The following SLC6A7 variants were observed in gnomAD, a reference collection of about 807,000 sequenced individuals.
SLC6A7 encodes sodium-dependent proline transporter.
Under a neutral mutation model 73.1 loss-of-function variants are expected in SLC6A7, and 58 were observed. The observed-to-expected ratio is 0.79, with a 90% confidence interval of 0.64 to 0.99. SLC6A7 has a LOEUF of 0.99. SLC6A7 is among the 50% of genes least tolerant of loss of function. The pLI, the probability that SLC6A7 is intolerant of heterozygous loss-of-function variation, is 0.00. For missense variants in SLC6A7, 783 were observed against 831.4 expected, an observed-to-expected ratio of 0.94 and a Z score of 0.72; for synonymous variants, 338 against 338.7, an observed-to-expected ratio of 1.00 and a Z score of 0.02.
At position 150,204,542 on chromosome 5, in the gene SLC6A7, A is replaced by G. The variant is rs767588242; in HGVS notation, c.1343A>G (p.Tyr448Cys). The G allele has an allele frequency of 1.9e-6, 3 of 1,613,588 alleles. No homozygotes were observed. The highest frequency in any genetic ancestry group is 2.5e-6 in the Non-Finnish European group (3 of 1,179,462). The change falls in exon 11 of 14, where the codon TAC (tyrosine) becomes TGC (cysteine). Residue 448 changes from tyrosine (Y) to cysteine (C), a missense_variant. Tyr to Cys is a radical substitution (Grantham distance 194). Transcript: ENST00000230671. ...GLILTTDGGM[Y>C]WLVLLDDYSA... is the part of the protein sequence containing the mutation. Reference sequence around the variant, plus strand: ...GTGCTTGTGTTTTAGGGGGGCATGTACTGGCTGGTCCTTCTGGATGACTAC... The same window carrying G: ...GTGCTTGTGTTTTAGGGGGGCATGTGCTGGCTGGTCCTTCTGGATGACTAC...
At chr5:150,209,297 G>A in intron 13 of SLC6A7, 109 bp from the exon 14 acceptor site, 1 of 905,648 alleles carries the variant, frequency 1.1e-6, no homozygotes, top group Non-Finnish European at 1.8e-6. Context: ...GCTGTGGCCA[G>A]GACTCCCCCA....
At chr5:150,194,114 C>T (rs955657883) in intron 1 of SLC6A7, among the ~76,000 whole-genome samples, 4 of 152,134 alleles carry the variant, frequency 2.6e-5, no homozygotes, top group African/African-American at 2.4e-5. Context: ...TCTTCATCTT[C>T]GTCATCCTCA....
intron 10 of SLC6A7, among the ~76,000 whole-genome samples, 183 bp from the exon 11 acceptor site, chr5:150,204,349 T>C (rs942564680): frequency 4.6e-5 from 7 of 152,214 alleles, no homozygotes; most frequent in African/African-American, 7.2e-5. Context: ...GGTTCTATAA[T>C]AGACGGCTGT....
chr5:150,196,812 C>T lies in SLC6A7; in HGVS notation c.314C>T (p.Pro105Leu). ...LSLGQFSSLG[P>L]LAVWKISPLF... ...CTGGGCCAGTTCTCCAGCCTAGGGC[C>T]CCTGGCTGTCTGGAAAATCAGCCCT... The change falls in exon 3 of 14, where the codon CCC becomes CTC. Residue 105 changes from proline to leucine, a missense_variant. Coordinates refer to ENST00000230671, the MANE Select transcript of SLC6A7 (RefSeq NM_014228.5). 6.2e-7 allele frequency: 1 copy of T among 1,614,042 alleles called. No individual in the cohort carries two copies. The highest frequency in any genetic ancestry group is 8.5e-7 in the Non-Finnish European group (1 of 1,179,930).
rs1359286039 is a variant in SLC6A7 at position 150,197,124 on chromosome 5, C to A, written c.432C>A (p.Leu144=). Residue 144 remains leucine (L), a synonymous_variant, in exon 4 of 14, where the codon CTC becomes CTA. Coordinates refer to ENST00000230671, the MANE Select transcript of SLC6A7 (RefSeq NM_014228.5). ...TCATCGCCTACGTGCTCTTCTACCT[C>A]TTCGCCTCCCTCACCAGCGACCTAC... is the stretch of plus-strand genomic sequence containing the variant. The part of the protein sequence containing the change: ...NMIIAYVLFY[L]FASLTSDLPW... 1 of 1,614,160 alleles carries A rather than the reference C, an allele frequency of 6.2e-7. No homozygotes were observed. Among genetic ancestry groups the A allele is most frequent in the East Asian group, 2.2e-5 (1 of 44,892 alleles).
chr5:150,207,792 T>A lies in SLC6A7; in HGVS notation c.1702-1614T>A, dbSNP rs147622012. 4.5e-3 allele frequency among the ~76,000 whole-genome samples: 681 copies of A among 152,266 alleles called. 5 individuals are homozygous for A. Among genetic ancestry groups the A allele is most frequent in the South Asian group, 0.03 (146 of 4,812 alleles). ...ACTAATACCCCTCTCATTAGGACACTGTAAAGATTAAATTAGCCAATGCTT... is the reference window on the plus strand; with the variant it reads ...ACTAATACCCCTCTCATTAGGACACAGTAAAGATTAAATTAGCCAATGCTT... On this transcript the variant is annotated intron_variant, in intron 13 of 13. Transcript: ENST00000230671.
chr5:150,202,792 G>C, intron 8 of SLC6A7, 89 bp downstream of exon 8: 1 of 1,461,124 alleles, frequency 6.8e-7, no homozygotes, highest in Middle Eastern at 2.2e-4. Flanking sequence ...TTATGGATGG[G>C]GGCCAGGCGC....
At chr5:150,197,617 A>ATGC (rs1753103129) in intron 4 of SLC6A7, among the ~76,000 whole-genome samples, 1 of 151,906 alleles carries the variant, frequency 6.6e-6, no homozygotes, top group South Asian at 2.1e-4. Flanking sequence ...GAGAATGATG[A>ATGC]TGATGATGAT....
chr5:150,207,893 G>A lies in SLC6A7; in HGVS notation c.1702-1513G>A, dbSNP rs142163925. 1.4e-3 allele frequency among the ~76,000 whole-genome samples: 211 copies of A among 152,044 alleles called. 7 individuals carry two copies. The South Asian group carries it at 0.032, about 23-fold the overall frequency. On this transcript the variant is annotated intron_variant, in intron 13 of 13. Transcript: ENST00000230671. ...ACAGGGGGTGATTTTGCCCTTGGGG[G>A]ACATTTGGCAATGTCTGGAGACATT...
rs759601852 is a variant in SLC6A7 at position 150,204,533 on chromosome 5, G to C, written c.1334G>C (p.Gly445Ala). Residue 445 changes from glycine (G) to alanine (A), a missense_variant and splice_region_variant, in exon 11 of 14, where the codon GGG becomes GCG. Physicochemically the swap from Gly to Ala is moderately conservative, Grantham distance 60. Transcript: ENST00000230671. ...ACCAGAACTGTGCTTGTGTTTTAGG[G>C]GGGCATGTACTGGCTGGTCCTTCTG... Reference protein sequence around the residue: ...YLMGLILTTDGGMYWLVLLDD... With the variant: ...YLMGLILTTDAGMYWLVLLDD... 6.8e-6 allele frequency: 11 copies of C among 1,612,582 alleles called. No individual in the cohort carries two copies. The highest frequency in any genetic ancestry group is 9.3e-6 in the Non-Finnish European group (11 of 1,178,670).
In SLC6A7 at chr5:150,193,320, G is replaced by A. The variant is rs1752867896; in HGVS notation, c.34-1408G>A. Among the ~76,000 whole-genome samples, 4 of 152,220 alleles carry A rather than the reference G, an allele frequency of 2.6e-5. No individual in the cohort carries two copies. In the South Asian group the frequency reaches 8.3e-4, roughly 32 times the overall value. On this transcript the variant is annotated intron_variant, in intron 1 of 13. Coordinates refer to ENST00000230671, the MANE Select transcript of SLC6A7 (RefSeq NM_014228.5). Reference sequence around the variant, plus strand: ...AGCATGAAAGGAGACCTTAGGAACAGCTGGCCTCCGCTCCCCTCTGGGCAT... The same window carrying A: ...AGCATGAAAGGAGACCTTAGGAACAACTGGCCTCCGCTCCCCTCTGGGCAT...
At chr5:150,194,604 G>A (rs1199930090) in intron 1 of SLC6A7, 124 bp from the exon 2 acceptor site, 1 of 744,058 alleles carries the variant, frequency 1.3e-6, no homozygotes, top group Non-Finnish European at 2.3e-6. Flanking sequence ...GAGAGCACTT[G>A]ATTATCTGGA....
At chr5:150,207,218 A>G (rs1407815032) in intron 13 of SLC6A7, among the ~76,000 whole-genome samples, 1 of 151,798 alleles carries the variant, frequency 6.6e-6, no homozygotes, top group Non-Finnish European at 1.5e-5. Context: ...TGCAGTGGAG[A>G]CAGTAAGCAT....
At chr5:150,197,919 T>C (rs1237393100) in intron 4 of SLC6A7, among the ~76,000 whole-genome samples, 1 of 152,102 alleles carries the variant, frequency 6.6e-6, no homozygotes, top group Non-Finnish European at 1.5e-5. Context: ...ATCACGGTGC[T>C]GGGCACACAG....
rs564930569 is a variant in SLC6A7, at chr5:150,191,814, T to C, written c.33+1454T>C. On this transcript the variant is annotated intron_variant, in intron 1 of 13. Transcript: ENST00000230671. ...GGGTCCTGTTTCCATTCTTTTCCAC[T>C]CTCCTTCTCTTCCCTCTCTGCCCTC... Among the ~76,000 whole-genome samples, 283 of 152,048 alleles carry C rather than the reference T, an allele frequency of 1.9e-3. 1 individual carries two copies. Among genetic ancestry groups the C allele is most frequent in the African/African-American group, 6.7e-3 (276 of 41,474 alleles).
At chr5:150,198,640 A>AC (rs1346882374) in intron 4 of SLC6A7, among the ~76,000 whole-genome samples, 7 of 152,216 alleles carry the variant, frequency 4.6e-5, no homozygotes, top group Admixed American at 2.0e-4. Flanking sequence ...TAGTGAAGGG[A>AC]CTTTTCAGAG....
In SLC6A7 at chr5:150,196,808, G is replaced by C. The variant is rs369403056; in HGVS notation, c.310G>C (p.Gly104Arg). ...ELSLGQFSSL[G>R]PLAVWKISPL... ...CTCCCTGGGCCAGTTCTCCAGCCTA[G>C]GGCCCCTGGCTGTCTGGAAAATCAG... Residue 104 changes from glycine (G) to arginine (R), a missense_variant, in exon 3 of 14, where the codon GGG becomes CGG. Transcript: ENST00000230671. 1.2e-6 allele frequency: 2 copies of C among 1,614,066 alleles called. No homozygotes were observed. Among genetic ancestry groups the C allele is most frequent in the Non-Finnish European group, 1.7e-6 (2 of 1,179,964 alleles).
At chr5:150,195,827 C>T (rs545478582) in intron 2 of SLC6A7, among the ~76,000 whole-genome samples, 1 of 152,314 alleles carries the variant, frequency 6.6e-6, no homozygotes, top group Admixed American at 6.5e-5. Flanking sequence ...GCTCTAGGAC[C>T]TTGATGACAC....
intron 4 of SLC6A7, among the ~76,000 whole-genome samples, chr5:150,198,115 G>GGAA (rs1554115652): frequency 0.033 from 2,556 of 77,614 alleles, 91 homozygotes; most frequent in African/African-American, 0.062. Flanking sequence ...AAGAAAGAAA[G>GGAA]AGAAAGAAAG....
Sources: allele counts gnomAD v4.1 joint callset (sites outside exome capture counted in the v4.1 genomes callset), GRCh38; gene constraint gnomAD v4.1.1; transcripts MANE v1.5; gene names NCBI Gene and HGNC (gene_info 2026-07-23, HGNC 2026-07-21).